Variants in RYR2 observed in about 807,000 individuals in gnomAD.
RYR2 encodes the protein ryanodine receptor 2.
In RYR2, 227 loss-of-function variants were observed where a neutral mutation model predicts 601.1. That is an observed-to-expected ratio of 0.38 (90% CI 0.34 to 0.42). RYR2 has a LOEUF of 0.42. Among genes scored for constraint, RYR2 ranks in the 10% least tolerant of loss-of-function variants. RYR2 has a pLI of 1.00. For missense variants in RYR2, 4,646 were observed against 6,156.5 expected (o/e 0.75, Z 8.21); for synonymous variants, 2,223 against 2,175.1 (o/e 1.02, Z -0.61).
At chr1:237,654,250 T>C in intron 51 of RYR2, 24 bp from the exon 52 acceptor site, 1 of 1,610,994 alleles carries the variant, frequency 6.2e-7, no homozygotes, top group Non-Finnish European at 8.5e-7. Flanking sequence ...AGCTCATTGC[T>C]TTTATAATTG....
At chr1:237,434,322 T>A (rs76901078) in intron 12 of RYR2, among the ~76,000 whole-genome samples, 3,158 of 152,226 alleles carry the variant, frequency 0.021, 110 homozygotes, top group African/African-American at 0.071. Context: ...AATACAGGAT[T>A]TGAGGGAAGA....
Position 237,798,120 on chromosome 1 carries a change from T to C in RYR2, c.14040T>C (p.Ser4680=), listed in dbSNP as rs938907868. The part of the protein sequence containing the change: ...LGMDKAALDF[S]DAREKKKPKK... ...TGGACAAGGCAGCTCTGGACTTCAGTGATGCCAGAGAAAAGAAGAAGCCAA... is the reference window on the plus strand; with the variant it reads ...TGGACAAGGCAGCTCTGGACTTCAGCGATGCCAGAGAAAAGAAGAAGCCAA... Residue 4680 remains serine (S), a synonymous_variant, in exon 97 of 105, where the codon AGT becomes AGC. Transcript: ENST00000366574. The C allele has an allele frequency of 1.9e-6, 3 of 1,611,888 alleles. No individual in the cohort carries two copies. The African/African-American group carries it at 4.0e-5, about 22-fold the overall frequency.
chr1:237,465,327 AT>A (rs1356630435), intron 16 of RYR2, among the ~76,000 whole-genome samples: 2 of 152,320 alleles, frequency 1.3e-5, no homozygotes, highest in African/African-American at 4.8e-5. Flanking sequence ...TACTAAATTT[AT>A]ATTGCTAAAT....
intron 53 of RYR2, among the ~76,000 whole-genome samples, chr1:237,656,214 T>C (rs1279034256): frequency 6.6e-6 from 1 of 152,098 alleles, no homozygotes; most frequent in African/African-American, 2.4e-5. Flanking sequence ...CAATCAAGAC[T>C]CTGTACATGG....
chr1:237,209,820 C>T (rs1287479502), intron 1 of RYR2, among the ~76,000 whole-genome samples: 1 of 152,134 alleles, frequency 6.6e-6, no homozygotes, highest in Non-Finnish European at 1.5e-5. Flanking sequence ...TGTGCCACTG[C>T]ACTCCAGCCT....
chr1:237,122,173 C>T (rs1046510903), intron 1 of RYR2, among the ~76,000 whole-genome samples: 2 of 152,114 alleles, frequency 1.3e-5, no homozygotes, highest in African/African-American at 2.4e-5. Context: ...CCGGGGATGC[C>T]GAGGGGAATG....
chr1:237,820,339 G>A lies in RYR2; in HGVS notation c.14590+1147G>A, dbSNP rs562356331. ...TGAGGTACCCAGTTCATCTCACTGGGACTGGTTGGACAGTGGGTGCAGCCC... is the reference window on the plus strand; with the variant it reads ...TGAGGTACCCAGTTCATCTCACTGGAACTGGTTGGACAGTGGGTGCAGCCC... On this transcript the variant is annotated intron_variant, in intron 101 of 104. Transcript: ENST00000366574. Among the ~76,000 whole-genome samples the A allele has an allele frequency of 7.2e-5, 11 of 152,268 alleles. No homozygotes were observed. The East Asian group carries it at 2.1e-3, about 29-fold the overall frequency.
chr1:237,470,313 CTT>C (rs1660573086), intron 17 of RYR2, among the ~76,000 whole-genome samples: 1 of 152,104 alleles, frequency 6.6e-6, no homozygotes, highest in Admixed American at 6.5e-5. Context: ...AGTTCTGAGA[CTT>C]TTGCATGATA....
At chr1:237,466,914 T>C (rs148148116) in intron 16 of RYR2, among the ~76,000 whole-genome samples, 80 of 151,914 alleles carry the variant, frequency 5.3e-4, no homozygotes, top group African/African-American at 1.9e-3. Flanking sequence ...TTTTCATTCC[T>C]GCTTTTCTTA....
intron 13 of RYR2, 21 bp downstream of exon 13, chr1:237,441,504 A>AGAAG: frequency 6.9e-7 from 1 of 1,443,912 alleles, no homozygotes; most frequent in Non-Finnish European, 9.2e-7. Context: ...AGAAAAAAAC[A>AGAAG]TAATTTATAG....
chr1:237,651,833 C>T (rs180914538), intron 51 of RYR2, among the ~76,000 whole-genome samples: 304 of 152,124 alleles, frequency 2.0e-3, no homozygotes, highest in African/African-American at 6.7e-3. Context: ...GTTAGGAGAT[C>T]GAGACCATCC....
At chr1:237,776,310 T>C (rs1441853703) in intron 87 of RYR2, among the ~76,000 whole-genome samples, 1 of 152,152 alleles carries the variant, frequency 6.6e-6, no homozygotes, top group East Asian at 1.9e-4. Flanking sequence ...AGCTACTATA[T>C]CTGGTACATT....
At chr1:237,675,977 A>G (rs1188776863) in intron 60 of RYR2, among the ~76,000 whole-genome samples, 1 of 152,166 alleles carries the variant, frequency 6.6e-6, no homozygotes, top group African/African-American at 2.4e-5. Flanking sequence ...ATAACTAACA[A>G]TTTTTAAAAA....
chr1:237,044,960 T>C (rs866613027), intron 1 of RYR2, among the ~76,000 whole-genome samples: 1,819 of 150,354 alleles, frequency 0.012, 40 homozygotes, highest in African/African-American at 0.042. Context: ...CTTCTTCTTT[T>C]TTTTTTTTTT....
chr1:237,722,473 G>A (rs1339141784), intron 73 of RYR2, among the ~76,000 whole-genome samples: 12 of 145,466 alleles, frequency 8.2e-5, no homozygotes, highest in East Asian at 6.0e-4. Flanking sequence ...TCGCTCTGTC[G>A]CCCAGGCTGG....
intron 1 of RYR2, among the ~76,000 whole-genome samples, chr1:237,111,095 G>C (rs1669417405): frequency 6.6e-6 from 1 of 152,146 alleles, no homozygotes; most frequent in Non-Finnish European, 1.5e-5. Context: ...CTTCGAGGTT[G>C]GACCAAGTAA....
At chr1:237,484,472 T>C (rs906325210) in intron 17 of RYR2, among the ~76,000 whole-genome samples, 3 of 152,212 alleles carry the variant, frequency 2.0e-5, no homozygotes, top group African/African-American at 7.2e-5. Flanking sequence ...GTTGGCCTCC[T>C]GTGCCTGTGT....
At chr1:237,345,846 C>A (rs905244728) in intron 3 of RYR2, among the ~76,000 whole-genome samples, 2 of 151,842 alleles carry the variant, frequency 1.3e-5, no homozygotes, top group African/African-American at 4.8e-5. Flanking sequence ...TCCCCTGACC[C>A]CCAAATTGTT....
intron 38 of RYR2, among the ~76,000 whole-genome samples, chr1:237,622,468 A>G (rs1679175463): frequency 6.6e-6 from 1 of 152,194 alleles, no homozygotes; most frequent in Admixed American, 6.5e-5. Flanking sequence ...AATTTCCTTC[A>G]GGCTATGTGT....
Sources: gnomAD v4.1 joint callset for allele counts (sites outside exome capture counted in the v4.1 genomes callset) on GRCh38, gnomAD v4.1.1 for gene constraint, MANE v1.5 for transcripts, NCBI Gene and HGNC (gene_info 2026-07-23, HGNC 2026-07-21) for gene names.